The following NFIB variants were observed in gnomAD, a reference collection of about 807,000 sequenced individuals.
The protein encoded by NFIB is nuclear factor 1 B-type.
In NFIB, 11 loss-of-function variants were observed where a neutral mutation model predicts 61.5. The ratio of observed to expected loss-of-function variants is 0.18; its 90% confidence interval spans 0.11 to 0.30. The LOEUF (loss-of-function observed/expected upper bound fraction) is 0.30, where lower values mean the gene tolerates loss of function less well. Among genes scored for constraint, NFIB ranks in the 10% least tolerant of loss-of-function variants. The pLI is 1.00. For missense variants in NFIB, 471 were observed against 608.9 expected, an observed-to-expected ratio of 0.77 and a Z score of 2.38; for synonymous variants, 260 against 216.5, an observed-to-expected ratio of 1.20 and a Z score of -1.76.
intron 1 of NFIB, among the ~76,000 whole-genome samples, chr9:14,337,029 A>C (rs1048645529): frequency 6.6e-6 from 1 of 152,204 alleles, no homozygotes; most frequent in African/African-American, 2.4e-5. Flanking sequence ...ATGGGATATT[A>C]TTCTTCTTTG....
intron 2 of NFIB, chr9:14,204,938 G>A (rs2049470662): frequency 5.7e-6 from 2 of 350,030 alleles, no homozygotes; most frequent in South Asian, 6.4e-5. Context: ...CAGAGCCAAT[G>A]AGATCCGTCA....
At chr9:14,134,913 A>AAAAAAAAAAAAT in intron 6 of NFIB, among the ~76,000 whole-genome samples, 1 of 133,384 alleles carries the variant, frequency 7.5e-6, no homozygotes, top group Non-Finnish European at 1.6e-5. Context: ...AAAAAAAAAA[A>AAAAAAAAAAAAT]AAAAAAAGGA....
In NFIB at chr9:14,184,565, A is replaced by G. The variant is rs1475495753; in HGVS notation, c.563-4785T>C. Reference sequence around the variant, plus strand: ...ATGGACAATCTGGTGGAAGCTCTGTAAGATGTGTGTTAAATATATATGACA... The same window carrying G: ...ATGGACAATCTGGTGGAAGCTCTGTGAGATGTGTGTTAAATATATATGACA... On this transcript the variant is annotated intron_variant, in intron 2 of 10. Transcript: ENST00000380953. Among the ~76,000 whole-genome samples the G allele has an allele frequency of 7.2e-5, 11 of 152,292 alleles. No homozygotes were observed. In the South Asian group the frequency reaches 1.0e-3, roughly 14 times the overall value.
At chr9:14,530,247 A>T in the NFIB span, among the ~76,000 whole-genome samples, 1 of 152,242 alleles carries the variant, frequency 6.6e-6, no homozygotes, top group African/African-American at 2.4e-5. Flanking sequence ...AACATTTCAC[A>T]GCATTTTTCC....
At position 14,313,577 on chromosome 9, in the gene NFIB, T is replaced by C; in HGVS notation, c.-66A>G. On this transcript the variant is annotated 5_prime_UTR_variant, in exon 1 of 11. It removes an upstream start codon present in the reference 5' UTR. Transcript: ENST00000380953. This position sits in a 1 kb window ranked among gnomAD's most constrained non-coding sequence, Gnocchi z 4.5. ...AAATCTTCGAGAAGCAAGAATTTCA[T>C]CTATTCATTTTACAGTCATCTGAGC... is the stretch of plus-strand genomic sequence containing the variant. 6.2e-7 allele frequency: 1 copy of C among 1,611,736 alleles called. No individual in the cohort carries two copies.
At chr9:14,097,114 G>T (rs1472777822) in intron 10 of NFIB, among the ~76,000 whole-genome samples, 2 of 152,108 alleles carry the variant, frequency 1.3e-5, no homozygotes, top group East Asian at 1.9e-4. Flanking sequence ...TTTTATTTTT[G>T]ATTTCATAAC....
chr9:14,466,173 C>T, the NFIB span, among the ~76,000 whole-genome samples: 1 of 152,204 alleles, frequency 6.6e-6, no homozygotes, highest in Non-Finnish European at 1.5e-5. Flanking sequence ...AAAGGAAACA[C>T]TGTCAAGGCC....
intron 2 of NFIB, among the ~76,000 whole-genome samples, chr9:14,263,185 C>A (rs1052723730): frequency 1.3e-5 from 2 of 151,818 alleles, no homozygotes; most frequent in Non-Finnish European, 2.9e-5. Context: ...TTTGTACAGT[C>A]TCTAAAACAA....
At chr9:14,478,333 C>T in the NFIB span, among the ~76,000 whole-genome samples, 1 of 152,202 alleles carries the variant, frequency 6.6e-6, no homozygotes, top group Non-Finnish European at 1.5e-5. Flanking sequence ...GCTAGCCCCT[C>T]ACCTTCTCTC....
At chr9:14,486,309 C>T in the NFIB span, among the ~76,000 whole-genome samples, 1 of 152,066 alleles carries the variant, frequency 6.6e-6, no homozygotes, top group African/African-American at 2.4e-5. Flanking sequence ...TCTTTTGAAA[C>T]ATTAGGAGGA....
At chr9:14,104,371 A>C (rs1441973744) in intron 10 of NFIB, among the ~76,000 whole-genome samples, 1 of 152,142 alleles carries the variant, frequency 6.6e-6, no homozygotes, top group Non-Finnish European at 1.5e-5. Flanking sequence ...AAAGTTCTCA[A>C]AATGGGTCGT....
At chr9:14,208,264 G>A (rs1355667090) in intron 2 of NFIB, among the ~76,000 whole-genome samples, 3 of 151,966 alleles carry the variant, frequency 2.0e-5, no homozygotes, top group Non-Finnish European at 2.9e-5. Flanking sequence ...AGAGTAAATC[G>A]ATACGTGTTC....
At chr9:14,426,951 G>T in the NFIB span, among the ~76,000 whole-genome samples, 1 of 152,128 alleles carries the variant, frequency 6.6e-6, no homozygotes, top group Non-Finnish European at 1.5e-5. Flanking sequence ...TTTTCTGCTT[G>T]TGTCCTTCCC....
chr9:14,200,178 C>CA (rs1389383954), intron 2 of NFIB, among the ~76,000 whole-genome samples: 2 of 152,074 alleles, frequency 1.3e-5, no homozygotes, highest in East Asian at 3.9e-4. Flanking sequence ...AAACTCAAAG[C>CA]AAAATTTCAA....
intron 1 of NFIB, among the ~76,000 whole-genome samples, chr9:14,392,350 A>G (rs755672023): frequency 4.6e-5 from 7 of 152,240 alleles, no homozygotes; most frequent in Non-Finnish European, 8.8e-5. Flanking sequence ...GATGTTAATA[A>G]TCAGGACAAC....
rs556177791 is a variant in NFIB, at chr9:14,222,972, G to T, written c.563-43192C>A. Among the ~76,000 whole-genome samples the T allele has an allele frequency of 5.9e-5, 9 of 152,026 alleles. No individual in the cohort carries two copies. In the South Asian group the frequency reaches 1.7e-3, roughly 28 times the overall value. The stretch of plus-strand genomic sequence containing the variant: ...AGTGGCTTATGCAGCTAAATCAGGG[G>T]TGTCCAATCTTTTGGCTTCCCTGGG... On this transcript the variant is annotated intron_variant, in intron 2 of 10. Transcript: ENST00000380953.
chr9:14,449,564 T>C, the NFIB span, among the ~76,000 whole-genome samples: 1 of 152,296 alleles, frequency 6.6e-6, no homozygotes, highest in Admixed American at 6.5e-5. Flanking sequence ...GTTAAATTTG[T>C]TGAAATGCAT....
chr9:14,522,072 A>C, the NFIB span, among the ~76,000 whole-genome samples: 5 of 152,332 alleles, frequency 3.3e-5, no homozygotes, highest in South Asian at 2.1e-4. Context: ...CAAACTGACA[A>C]ATATGGCTGG....
At position 14,313,415 on chromosome 9, in the gene NFIB, G is replaced by T; in HGVS notation, c.30+67C>A. On this transcript the variant is annotated intron_variant, in intron 1 of 10. Transcript: ENST00000380953. This position sits in a 1 kb window ranked among gnomAD's most constrained non-coding sequence, Gnocchi z 4.5. ...GGTTAACTCAAGCCGCTAATTGTCC[G>T]CAACAAAACAAAACAAAGGCATTTC... is the stretch of plus-strand genomic sequence containing the variant. 1.2e-6 allele frequency: 2 copies of T among 1,606,806 alleles called. No homozygotes were observed. Among genetic ancestry groups the T allele is most frequent in the Non-Finnish European group, 1.7e-6 (2 of 1,174,840 alleles).
Sources: gnomAD v4.1 joint callset for allele counts (sites outside exome capture counted in the v4.1 genomes callset) on GRCh38, gnomAD v4.1.1 for gene constraint, Gnocchi (gnomAD v3.1) non-coding constraint, MANE v1.5 for transcripts, NCBI Gene and HGNC (gene_info 2026-07-23, HGNC 2026-07-21) for gene names.